OR2A25: variants seen among roughly 807,000 people sequenced by gnomAD.
OR2A25 encodes the protein olfactory receptor family 2 subfamily A member 25.
For missense variants in OR2A25, 362 were observed against 368.3 expected (o/e 0.98, Z 0.14); for synonymous variants, 162 against 148.1 (o/e 1.09, Z -0.68).
chr7:144,074,333 G>C lies in OR2A25; in HGVS notation c.114G>C (p.Leu38=). The C allele has an allele frequency of 6.2e-7, 1 of 1,613,984 alleles. No individual in the cohort carries two copies. The highest frequency in any genetic ancestry group is 1.1e-5 in the South Asian group (1 of 91,066). Residue 38 remains leucine, a synonymous_variant, in exon 2 of 2, where the codon CTG becomes CTC. Transcript: ENST00000641663. The part of the protein sequence containing the change: ...GLFSLFYIFI[L]LGNGTILGLI... ...TCTCCCTGTTCTACATCTTCATTCT[G>C]TTGGGGAACGGGACAATCCTGGGGC...
Position 144,074,471 on chromosome 7 carries a change from C to G in OR2A25, c.252C>G (p.Leu84=). 1.9e-6 allele frequency: 3 copies of G among 1,614,214 alleles called. No individual in the cohort carries two copies. The highest frequency in any genetic ancestry group is 2.5e-6 in the Non-Finnish European group (3 of 1,180,034). Residue 84 remains leucine (L), a synonymous_variant, in exon 2 of 2, where the codon CTC becomes CTG. Transcript: ENST00000641663. ...CSTVPQMLVN[L]LHPAKPISFA... ...CGGTGCCCCAGATGCTGGTGAACCT[C>G]CTGCATCCAGCCAAGCCCATCTCCT...
Position 144,074,659 on chromosome 7 carries a change from C to T in OR2A25, c.440C>T (p.Ser147Phe), listed in dbSNP as rs1171718467. 2 of 1,614,230 alleles carry T rather than the reference C, an allele frequency of 1.2e-6. No individual in the cohort carries two copies. Among genetic ancestry groups the T allele is most frequent in the East Asian group, 2.2e-5 (1 of 44,880 alleles). Reference sequence around the variant, plus strand: ...GTCTGCATCACTTTGGCATTGACTTCCTGGATTTTAGGAGTCTTATTGGCC... The same window carrying T: ...GTCTGCATCACTTTGGCATTGACTTTCTGGATTTTAGGAGTCTTATTGGCC... ...WKVCITLALT[S>F]WILGVLLALV... is the part of the protein sequence containing the mutation. The change falls in exon 2 of 2, where the codon TCC becomes TTC. Residue 147 changes from serine to phenylalanine, a missense_variant. By Grantham distance (155) the Ser-to-Phe change is radical (BLOSUM62 -2). Transcript: ENST00000641663.
At position 144,074,738 on chromosome 7, in the gene OR2A25, T is replaced by TA. The variant is rs1563035851; in HGVS notation, c.521dup (p.Asn174LysfsTer6). On this transcript the variant is annotated frameshift_variant, in exon 2 of 2. Transcript: ENST00000641663. LOFTEE classifies it low-confidence loss of function (END_TRUNC). ...TGTCCTTCTGTGGACCCCAGAAACT[T>TA]AATCACTTTTTCTGTGAAATTATGG... 2 of 1,614,194 alleles carry TA rather than the reference T, an allele frequency of 1.2e-6. No homozygotes were observed. Among genetic ancestry groups the TA allele is most frequent in the Non-Finnish European group, 1.7e-6 (2 of 1,180,040 alleles).
intron 1 of OR2A25, among the ~76,000 whole-genome samples, chr7:144,070,105 T>C (rs971943885): frequency 2.0e-5 from 3 of 152,104 alleles, no homozygotes; most frequent in Admixed American, 6.6e-5. Flanking sequence ...GAGAGCCCTT[T>C]TCCCTAGGAC....
chr7:144,071,153 C>T (rs557153700), intron 1 of OR2A25, among the ~76,000 whole-genome samples: 1 of 135,954 alleles, frequency 7.4e-6, no homozygotes, highest in African/African-American at 2.8e-5. Flanking sequence ...ATGATCCCCA[C>T]CTCCTCCCAA....
intron 1 of OR2A25, chr7:144,070,421 A>G (rs1304119556): frequency 6.6e-6 from 1 of 152,078 alleles, no homozygotes; most frequent in African/African-American, 2.4e-5. Context: ...ACCTTTATTT[A>G]TTATACAATT....
chr7:144,072,980 G>A (rs944990301), intron 1 of OR2A25, among the ~76,000 whole-genome samples: 2 of 152,082 alleles, frequency 1.3e-5, no homozygotes, highest in African/African-American at 4.8e-5. Flanking sequence ...AATGAAACAA[G>A]CTAAGCACAG....
intron 1 of OR2A25, among the ~76,000 whole-genome samples, chr7:144,070,135 C>T (rs745448764): frequency 2.0e-4 from 30 of 152,002 alleles, no homozygotes; most frequent in Admixed American, 8.5e-4. Flanking sequence ...TGGCAGTGTG[C>T]GTGATGGGTC....
At position 144,074,910 on chromosome 7, in the gene OR2A25, G is replaced by A. The variant is rs749595169; in HGVS notation, c.691G>A (p.Glu231Lys). The part of the protein sequence containing the change: ...LCAILKIQSG[E>K]GCQKAFSICS... ...TGCCATTCTAAAGATCCAGTCAGGAGAGGGGTGCCAGAAAGCCTTCTCCAT... is the reference window on the plus strand; with the variant it reads ...TGCCATTCTAAAGATCCAGTCAGGAAAGGGGTGCCAGAAAGCCTTCTCCAT... The change falls in exon 2 of 2, where the codon GAG becomes AAG. Residue 231 changes from glutamate to lysine, a missense_variant. Coordinates refer to ENST00000641663, the MANE Select transcript of OR2A25 (RefSeq NM_001386096.1). 22 of 1,614,004 alleles carry A rather than the reference G, an allele frequency of 1.4e-5. No homozygotes were observed. The highest frequency in any genetic ancestry group is 1.9e-5 in the Non-Finnish European group (22 of 1,180,040).
chr7:144,070,133 T>G (rs1563033979), intron 1 of OR2A25, among the ~76,000 whole-genome samples: 1 of 152,082 alleles, frequency 6.6e-6, no homozygotes, highest in East Asian at 1.9e-4. Flanking sequence ...GATGGCAGTG[T>G]GCGTGATGGG....
In OR2A25 at chr7:144,074,938, G is replaced by A. The variant is rs772583203; in HGVS notation, c.719G>A (p.Cys240Tyr). The A allele has an allele frequency of 6.2e-7, 1 of 1,614,048 alleles. No homozygotes were observed. The highest frequency in any genetic ancestry group is 2.2e-5 in the East Asian group (1 of 44,864). ...GGGTGCCAGAAAGCCTTCTCCATCT[G>A]CTCCTCCCACCTCTGTGTGGTTGGA... The part of the protein sequence containing the change: ...GEGCQKAFSI[C>Y]SSHLCVVGLF... Residue 240 changes from cysteine (C) to tyrosine (Y), a missense_variant, in exon 2 of 2, where the codon TGC (cysteine) becomes TAC (tyrosine). Coordinates refer to ENST00000641663, the MANE Select transcript of OR2A25 (RefSeq NM_001386096.1).
intron 1 of OR2A25, among the ~76,000 whole-genome samples, chr7:144,073,385 A>C (rs1042744844): frequency 2.6e-5 from 4 of 152,056 alleles, no homozygotes; most frequent in Non-Finnish European, 5.9e-5. Flanking sequence ...GTATCAATTA[A>C]AAATTGTTAA....
Position 144,075,490 on chromosome 7 carries a change from A to T in OR2A25, c.*338A>T. The T allele has an allele frequency of 5.6e-6, 1 of 177,428 alleles. No homozygotes were observed. The highest frequency in any genetic ancestry group is 1.2e-5 in the Non-Finnish European group (1 of 83,846). The allele number at this position is 177,428 out of a possible 1,614,324, so 11.0% of individuals were successfully genotyped here. Reference sequence around the variant, plus strand: ...AATTTTTGTAGAATAAGGATATGGGAGTTAGGAGAGACTGATAACAAAGTC... The same window carrying T: ...AATTTTTGTAGAATAAGGATATGGGTGTTAGGAGAGACTGATAACAAAGTC... On this transcript the variant is annotated 3_prime_UTR_variant, in exon 2 of 2. Coordinates refer to ENST00000641663, the MANE Select transcript of OR2A25 (RefSeq NM_001386096.1).
chr7:144,070,973 A>G (rs1473486225), intron 1 of OR2A25, among the ~76,000 whole-genome samples: 1 of 152,042 alleles, frequency 6.6e-6, no homozygotes, highest in African/African-American at 2.4e-5. Context: ...AAAAAATCCA[A>G]TTACATTCTT....
At chr7:144,073,295 A>G (rs2051081067) in intron 1 of OR2A25, among the ~76,000 whole-genome samples, 1 of 152,156 alleles carries the variant, frequency 6.6e-6, no homozygotes, top group African/African-American at 2.4e-5. Flanking sequence ...AGATAGCCCA[A>G]GTACACAGAT....
chr7:144,070,856 A>G lies in OR2A25; in HGVS notation c.-5+960A>G, dbSNP rs754284609. 3.9e-5 allele frequency among the ~76,000 whole-genome samples: 6 copies of G among 152,120 alleles called. No homozygotes were observed. In the South Asian group the frequency reaches 1.0e-3, roughly 26 times the overall value. On this transcript the variant is annotated intron_variant, in intron 1 of 1. Transcript: ENST00000641663. Reference sequence around the variant, plus strand: ...TTTTGTAGGTACATAGTAGGTGTATATATTTATGGGGTATATGAGATGTTT... The same window carrying G: ...TTTTGTAGGTACATAGTAGGTGTATGTATTTATGGGGTATATGAGATGTTT...
chr7:144,072,831 G>A (rs542047213), intron 1 of OR2A25, among the ~76,000 whole-genome samples: 2 of 151,648 alleles, frequency 1.3e-5, no homozygotes, highest in South Asian at 4.1e-4. Flanking sequence ...ACCAAAATAT[G>A]GAATAAGCCT....
intron 1 of OR2A25, among the ~76,000 whole-genome samples, chr7:144,072,022 C>T (rs914369978): frequency 2.6e-5 from 4 of 152,132 alleles, no homozygotes; most frequent in African/African-American, 9.6e-5. Context: ...TTCAAGAAGG[C>T]AATTTCAATA....
At position 144,074,420 on chromosome 7, in the gene OR2A25, C is replaced by G. The variant is rs1373800481; in HGVS notation, c.201C>G (p.Val67=). Reference sequence around the variant, plus strand: ...ACTTCTTCCTCTCACACCTGGCGGTCGTCGACATCGCCTGTGCTTGCAGCA... The same window carrying G: ...ACTTCTTCCTCTCACACCTGGCGGTGGTCGACATCGCCTGTGCTTGCAGCA... The part of the protein sequence containing the change: ...PMYFFLSHLA[V]VDIACACSTV... The change falls in exon 2 of 2, where the codon GTC becomes GTG. Residue 67 remains valine, a synonymous_variant. Coordinates refer to ENST00000641663, the MANE Select transcript of OR2A25 (RefSeq NM_001386096.1). The G allele has an allele frequency of 1.9e-6, 3 of 1,614,068 alleles. No homozygotes were observed. In the African/African-American group the frequency reaches 4.0e-5, roughly 22 times the overall value.
Sources: allele counts gnomAD v4.1 joint callset (sites outside exome capture counted in the v4.1 genomes callset), GRCh38; gene constraint gnomAD v4.1.1; transcripts MANE v1.5; gene names NCBI Gene and HGNC (gene_info 2026-07-23, HGNC 2026-07-21).